The following NBAS variants were observed in gnomAD, a reference collection of about 807,000 sequenced individuals.
NBAS encodes the protein NAG/BC035112 fusion.
Under a neutral mutation model 302.5 loss-of-function variants are expected in NBAS, and 219 were observed. The observed-to-expected ratio is 0.72, with a 90% CI of 0.65 to 0.81. NBAS has a LOEUF of 0.81. Ranked by LOEUF, NBAS falls within the 30% of genes least tolerant of loss-of-function variation. The probability of loss-of-function intolerance (pLI) is 0.00; values close to 1 mark genes in which losing one functional copy is unlikely to be tolerated. For synonymous variants in NBAS, 1,118 were observed against 1,021.6 expected (o/e 1.09, Z -1.80); for missense variants, 2,932 against 2,841.6 (o/e 1.03, Z -0.72).
chr2:15,149,107 T>C, the NBAS span, among the ~76,000 whole-genome samples: 30 of 152,336 alleles, frequency 2.0e-4, no homozygotes, highest in Non-Finnish European at 3.8e-4. Context: ...GCATCCTCAA[T>C]GTAACGGTGT....
At chr2:15,134,966 G>A in the NBAS span, among the ~76,000 whole-genome samples, 13 of 152,136 alleles carry the variant, frequency 8.5e-5, no homozygotes, top group Non-Finnish European at 1.5e-4. Flanking sequence ...CCATTCCCCC[G>A]TCTTGCTTTA....
the NBAS span, among the ~76,000 whole-genome samples, chr2:14,975,386 GC>G: frequency 6.6e-6 from 1 of 152,302 alleles, no homozygotes; most frequent in South Asian, 2.1e-4. Flanking sequence ...TTAGTAGAAA[GC>G]TTTTGTTTCA....
chr2:15,235,970 G>A (rs991558665), intron 45 of NBAS, among the ~76,000 whole-genome samples: 4 of 152,158 alleles, frequency 2.6e-5, no homozygotes, highest in African/African-American at 9.7e-5. Flanking sequence ...GAGGATATAA[G>A]TTTTTTTGTA....
At chr2:15,159,541 G>T in the NBAS span, among the ~76,000 whole-genome samples, 1 of 151,646 alleles carries the variant, frequency 6.6e-6, no homozygotes, top group Admixed American at 6.6e-5. Context: ...GATTCCACTG[G>T]TTCTACTTAT....
chr2:15,121,414 G>C, the NBAS span, among the ~76,000 whole-genome samples: 3 of 152,164 alleles, frequency 2.0e-5, no homozygotes, highest in Non-Finnish European at 2.9e-5. Flanking sequence ...GCAGACTGAT[G>C]ATGGCTCTCA....
chr2:14,899,056 C>T, the NBAS span, among the ~76,000 whole-genome samples: 11,532 of 152,260 alleles, frequency 0.076, 592 homozygotes, highest in Non-Finnish European at 0.11. Flanking sequence ...TTTCCTCCCC[C>T]AGTGGTCTCT....
intron 50 of NBAS, among the ~76,000 whole-genome samples, chr2:15,182,606 G>A (rs1246180737): frequency 6.6e-6 from 1 of 152,186 alleles, no homozygotes; most frequent in Non-Finnish European, 1.5e-5. Flanking sequence ...GACCTTCAGG[G>A]TCAGTCACAA....
the NBAS span, among the ~76,000 whole-genome samples, chr2:14,820,485 T>C: frequency 0.4 from 60,219 of 151,778 alleles, 12,318 homozygotes; most frequent in African/African-American, 0.49. Flanking sequence ...CTCATGGTCA[T>C]AGAGAGTAGA....
At chr2:15,073,051 AAAATGGAG>A in the NBAS span, among the ~76,000 whole-genome samples, 1 of 152,164 alleles carries the variant, frequency 6.6e-6, no homozygotes, top group Non-Finnish European at 1.5e-5. Context: ...TAAGCCTGGG[AAAATGGAG>A]GCCACAGTGA....
chr2:15,464,103 TTGAC>T (rs1679625599), intron 19 of NBAS, among the ~76,000 whole-genome samples: 1 of 152,280 alleles, frequency 6.6e-6, no homozygotes, highest in Admixed American at 6.5e-5. Context: ...CTCTACTTCT[TTGAC>T]TGACTGAAGT....
At chr2:15,203,890 TTGTGTGTGTGTGTG>T (rs143962413) in intron 48 of NBAS, among the ~76,000 whole-genome samples, 6 of 129,460 alleles carry the variant, frequency 4.6e-5, no homozygotes, top group South Asian at 2.6e-4. Context: ...GTGTGTGTGC[TTGTGTGTGTGTGTG>T]TGTGTGTGTG....
At chr2:15,318,248 A>G (rs9711182) in intron 38 of NBAS, among the ~76,000 whole-genome samples, 78,927 of 152,058 alleles carry the variant, frequency 0.52, 21,468 homozygotes, top group East Asian at 0.85. Flanking sequence ...TGAAGGGAGC[A>G]CTAAACATGG....
the NBAS span, among the ~76,000 whole-genome samples, chr2:14,832,084 G>T: frequency 6.6e-6 from 1 of 152,040 alleles, no homozygotes; most frequent in African/African-American, 2.4e-5. Context: ...TTATTTCAAG[G>T]TCATGGCTGT....
At chr2:15,211,527 C>T (rs13007383) in intron 48 of NBAS, among the ~76,000 whole-genome samples, 28,817 of 152,166 alleles carry the variant, frequency 0.19, 3,442 homozygotes, top group East Asian at 0.46. Flanking sequence ...GTTATTCTAT[C>T]TCCTCTACCA....
the NBAS span, among the ~76,000 whole-genome samples, chr2:15,158,270 T>C: frequency 6.6e-6 from 1 of 152,170 alleles, no homozygotes; most frequent in Non-Finnish European, 1.5e-5. Context: ...CCATGGCAAC[T>C]CCTGCAGGTG....
chr2:15,366,048 C>A (rs1346680506), intron 32 of NBAS, among the ~76,000 whole-genome samples: 2 of 152,054 alleles, frequency 1.3e-5, no homozygotes, highest in Non-Finnish European at 2.9e-5. Flanking sequence ...GAGAAGAATA[C>A]CAAAATCAAC....
chr2:15,057,321 A>AC, the NBAS span, among the ~76,000 whole-genome samples: 2 of 151,790 alleles, frequency 1.3e-5, no homozygotes, highest in African/African-American at 4.8e-5. Context: ...TTTGAAAAAA[A>AC]AAAAAACTGT....
the NBAS span, among the ~76,000 whole-genome samples, chr2:14,820,583 GAA>G: frequency 6.6e-6 from 1 of 152,158 alleles, no homozygotes; most frequent in African/African-American, 2.4e-5. Context: ...AAAATGGAAA[GAA>G]TGAATAAGAT....
At chr2:15,101,768 C>G in the NBAS span, among the ~76,000 whole-genome samples, 1 of 152,188 alleles carries the variant, frequency 6.6e-6, no homozygotes, top group Admixed American at 6.5e-5. Flanking sequence ...CTCATGACAA[C>G]AGGGAGAATT....
Sources: gnomAD v4.1 joint callset for allele counts (sites outside exome capture counted in the v4.1 genomes callset) on GRCh38, gnomAD v4.1.1 for gene constraint, MANE v1.5 for transcripts, NCBI Gene and HGNC (gene_info 2026-07-23, HGNC 2026-07-21) for gene names.